HNRNPR: variants seen among roughly 807,000 people sequenced by gnomAD.
The protein encoded by HNRNPR is heterogeneous nuclear ribonucleoprotein R.
In HNRNPR, 4 loss-of-function variants were observed where a neutral mutation model predicts 70.3. The ratio of observed to expected loss-of-function variants is 0.06; its 90% CI spans 0.03 to 0.13. HNRNPR has a LOEUF of 0.13. Ranked by LOEUF, HNRNPR falls within the 10% of genes least tolerant of loss-of-function variation. HNRNPR has a pLI of 1.00. For missense variants in HNRNPR, 423 were observed against 788.5 expected, an observed-to-expected ratio of 0.54 and a Z score of 5.55; for synonymous variants, 241 against 267.6, an observed-to-expected ratio of 0.90 and a Z score of 0.97.
chr1:23,335,860 G>A (rs960910327), intron 4 of HNRNPR, among the ~76,000 whole-genome samples: 3 of 152,042 alleles, frequency 2.0e-5, no homozygotes, highest in African/African-American at 7.3e-5. Context: ...GCTCACGCCT[G>A]TAATCCCAGC....
chr1:23,332,979 T>A (rs1646303871), intron 5 of HNRNPR, among the ~76,000 whole-genome samples: 1 of 151,960 alleles, frequency 6.6e-6, no homozygotes, highest in Non-Finnish European at 1.5e-5. Context: ...AGGTCAGGAG[T>A]TCGAGACCAG....
intron 5 of HNRNPR, among the ~76,000 whole-genome samples, chr1:23,330,193 T>TGTTAATTGTAAA (rs1156441038): frequency 6.6e-6 from 1 of 152,160 alleles, no homozygotes; most frequent in Admixed American, 6.5e-5. Context: ...GAATTTATTA[T>TGTTAATTGTAAA]ACACAGTCAT....
chr1:23,323,413 C>T (rs1453195673), intron 6 of HNRNPR, 143 bp downstream of exon 6: 7 of 641,352 alleles, frequency 1.1e-5, no homozygotes, highest in Middle Eastern at 2.7e-4. Context: ...GAAAAATAAA[C>T]GTCACATACC....
intron 4 of HNRNPR, among the ~76,000 whole-genome samples, chr1:23,336,767 CAAAAA>C (rs34880516): frequency 3.4e-5 from 2 of 59,578 alleles, no homozygotes; most frequent in East Asian, 6.0e-4. Flanking sequence ...GACTCTGTCT[CAAAAA>C]AAAAAAAAAA....
chr1:23,339,564 A>G (rs972069125), intron 2 of HNRNPR, among the ~76,000 whole-genome samples: 18 of 152,224 alleles, frequency 1.2e-4, no homozygotes, highest in African/African-American at 3.6e-4. Flanking sequence ...TATTTCGTAG[A>G]TTAAAACCCC....
Position 23,306,585 on chromosome 1 carries a change from A to G in HNRNPR, c.*3869T>C, listed in dbSNP as rs774028220. The stretch of plus-strand genomic sequence containing the variant: ...TTCTGGATAACATCTGAAAATGATT[A>G]AAAAAACAAAAAAACAAAACAAAAC... On this transcript the variant is annotated 3_prime_UTR_variant, in exon 11 of 11. Transcript: ENST00000302271. The G allele has an allele frequency of 6.7e-6, 1 of 149,084 alleles. No individual in the cohort carries two copies. The highest frequency in any genetic ancestry group is 6.6e-5 in the Admixed American group (1 of 15,168). 9.2% of individuals were successfully genotyped at this position (149,084 alleles called of 1,614,324 possible).
At chr1:23,327,279 T>C (rs1032203854) in intron 5 of HNRNPR, among the ~76,000 whole-genome samples, 2 of 152,194 alleles carry the variant, frequency 1.3e-5, no homozygotes, top group African/African-American at 4.8e-5. Flanking sequence ...AGTAATTAGA[T>C]ATACCTTGGA....
intron 1 of HNRNPR, among the ~76,000 whole-genome samples, 171 bp from the exon 2 acceptor site, chr1:23,341,188 T>C (rs1266294784): frequency 2.0e-5 from 3 of 152,216 alleles, no homozygotes; most frequent in Non-Finnish European, 4.4e-5. Flanking sequence ...ATAATAATCC[T>C]GTAAAACCAT....
chr1:23,341,041 A>G (rs771646426), intron 1 of HNRNPR, 24 bp from the exon 2 acceptor site: 4 of 1,583,228 alleles, frequency 2.5e-6, no homozygotes, highest in South Asian at 1.1e-5. Flanking sequence ...TTCAGGAGCT[A>G]TATTACATTA....
intron 5 of HNRNPR, 62 bp downstream of exon 5, chr1:23,333,456 C>T (rs1646327416): frequency 3.1e-6 from 3 of 970,340 alleles, no homozygotes; most frequent in South Asian, 2.6e-5. Context: ...ACAGTATCTG[C>T]ATAGTAGATA....
chr1:23,321,455 C>A, intron 7 of HNRNPR, 73 bp downstream of exon 7: 1 of 1,261,792 alleles, frequency 7.9e-7, no homozygotes, highest in Non-Finnish European at 1.1e-6. Context: ...TACAACCCCT[C>A]AGTTTTTTTG....
intron 5 of HNRNPR, among the ~76,000 whole-genome samples, chr1:23,331,510 C>T (rs1646223641): frequency 6.6e-6 from 1 of 151,792 alleles, no homozygotes; most frequent in Admixed American, 6.6e-5. Flanking sequence ...GGAGAAACCC[C>T]TCCTCTACTA....
In HNRNPR at chr1:23,321,508, T is replaced by A. The variant is rs1158804443; in HGVS notation, c.811+20A>T. On this transcript the variant is annotated intron_variant, in intron 7 of 10. Coordinates refer to ENST00000302271, the MANE Select transcript of HNRNPR (RefSeq NM_005826.5). Reference sequence around the variant, plus strand: ...CAACATATTTCGCAAAAGTAATTTCTAAATACATTTTTGTTTTACCTGTGA... The same window carrying A: ...CAACATATTTCGCAAAAGTAATTTCAAAATACATTTTTGTTTTACCTGTGA... 6.2e-7 allele frequency: 1 copy of A among 1,606,464 alleles called. No individual in the cohort carries two copies. The highest frequency in any genetic ancestry group is 1.7e-5 in the Admixed American group (1 of 59,662).
At chr1:23,333,107 A>C (rs1435351869) in intron 5 of HNRNPR, among the ~76,000 whole-genome samples, 1 of 152,122 alleles carries the variant, frequency 6.6e-6, no homozygotes, top group Admixed American at 6.5e-5. Flanking sequence ...ACTTGAACCC[A>C]GGAGGCCGAG....
chr1:23,343,101 G>A (rs1646765977), intron 1 of HNRNPR, among the ~76,000 whole-genome samples: 1 of 152,196 alleles, frequency 6.6e-6, no homozygotes, highest in Middle Eastern at 3.4e-3. Context: ...ATTCAAATGT[G>A]GCATTCAACA....
chr1:23,313,906 T>C (rs1045819000), intron 8 of HNRNPR, among the ~76,000 whole-genome samples: 4 of 152,194 alleles, frequency 2.6e-5, no homozygotes, highest in Non-Finnish European at 5.9e-5. Flanking sequence ...TGCCTTCTCC[T>C]ATGTTGTCAT....
intron 7 of HNRNPR, among the ~76,000 whole-genome samples, chr1:23,320,786 T>C (rs1645725642): frequency 6.6e-6 from 1 of 152,188 alleles, no homozygotes; most frequent in Non-Finnish European, 1.5e-5. Context: ...TTTGTTAAAT[T>C]GTTTCAGTTA....
Position 23,305,974 on chromosome 1 carries a change from T to G in HNRNPR, c.*4480A>C, listed in dbSNP as rs982992184. 4 of 152,204 alleles carry G rather than the reference T, an allele frequency of 2.6e-5. No individual in the cohort carries two copies. The highest frequency in any genetic ancestry group is 5.9e-5 in the Non-Finnish European group (4 of 68,014). The allele number at this position is 152,204 out of a possible 1,614,324, so 9.4% of individuals were successfully genotyped here. On this transcript the variant is annotated 3_prime_UTR_variant, in exon 11 of 11. Coordinates refer to ENST00000302271, the MANE Select transcript of HNRNPR (RefSeq NM_005826.5). ...TTTTTAAAAATAGTATCTTTGGTGT[T>G]TAAGCCCTCCATTCTATCAATGTCT...
intron 2 of HNRNPR, among the ~76,000 whole-genome samples, 200 bp downstream of exon 2, chr1:23,340,652 C>T (rs1646675438): frequency 6.6e-6 from 1 of 152,104 alleles, no homozygotes; most frequent in Admixed American, 6.5e-5. Flanking sequence ...ACTGCATATT[C>T]AACACTAAGA....
Sources: allele counts gnomAD v4.1 joint callset (sites outside exome capture counted in the v4.1 genomes callset), GRCh38; gene constraint gnomAD v4.1.1; transcripts MANE v1.5; gene names NCBI Gene and HGNC (gene_info 2026-07-23, HGNC 2026-07-21).